PTPRG: variants seen among roughly 807,000 people sequenced by gnomAD.
The protein encoded by PTPRG is receptor-type tyrosine-protein phosphatase gamma.
A neutral mutation model predicts 165.3 loss-of-function variants in PTPRG; 102 were observed. The ratio of observed to expected loss-of-function variants is 0.62; its 90% CI spans 0.53 to 0.73. The LOEUF is 0.73. Among genes scored for constraint, PTPRG ranks in the 30% least tolerant of loss-of-function variants. The probability of loss-of-function intolerance (pLI) is 0.00; values close to 1 mark genes in which losing one functional copy is unlikely to be tolerated. For synonymous variants in PTPRG, 675 were observed against 669.5 expected, an observed-to-expected ratio of 1.01 and a Z score of -0.13; for missense variants, 1,866 against 1,861.4, an observed-to-expected ratio of 1.00 and a Z score of -0.05.
chr3:62,209,511 G>A (rs1389649984), intron 12 of PTPRG, among the ~76,000 whole-genome samples: 1 of 152,170 alleles, frequency 6.6e-6, no homozygotes, highest in African/African-American at 2.4e-5. Context: ...CTAGGGATTG[G>A]GAGCACTGCA....
chr3:62,024,346 T>C (rs1035978172), intron 4 of PTPRG, among the ~76,000 whole-genome samples: 1 of 152,172 alleles, frequency 6.6e-6, no homozygotes, highest in Admixed American at 6.5e-5. Flanking sequence ...CACTTGTCCA[T>C]GATATAATTA....
chr3:61,810,170 A>G (rs1559624209), intron 2 of PTPRG, among the ~76,000 whole-genome samples: 1 of 152,200 alleles, frequency 6.6e-6, no homozygotes, highest in Non-Finnish European at 1.5e-5. Context: ...CAGGGAGTGC[A>G]GGATAAAATA....
At chr3:61,959,532 C>T in intron 2 of PTPRG, among the ~76,000 whole-genome samples, 1 of 152,186 alleles carries the variant, frequency 6.6e-6, no homozygotes, top group East Asian at 1.9e-4. Context: ...GGAGGCGGAG[C>T]TCAGGCAGTA....
In PTPRG at chr3:62,281,537, G is replaced by GTTTTTTTTTTTTTTTTTTTTT. The variant is rs778994257; in HGVS notation, c.3766-26_3766-25insTTTTTTTTTTTTTTTTTTTTT. 12 of 175,022 alleles carry GTTTTTTTTTTTTTTTTTTTTT rather than the reference G, an allele frequency of 6.9e-5. 2 individuals are homozygous for GTTTTTTTTTTTTTTTTTTTTT. Among genetic ancestry groups the GTTTTTTTTTTTTTTTTTTTTT allele is most frequent in the Non-Finnish European group, 8.2e-5 (10 of 122,306 alleles). The allele number at this position is 175,022 out of a possible 1,614,324, so 10.8% of individuals were successfully genotyped here. A position where few individuals can be genotyped will look rare whatever the true frequency, so the allele number is the denominator to read the frequency against. On this transcript the variant is annotated intron_variant, in intron 26 of 29. Coordinates refer to ENST00000474889, the MANE Select transcript of PTPRG (RefSeq NM_002841.4). ...ACAAATCCTTGACAGAACTGCAGAGGCTTTTTTTTTTTTTGGATTCCAAAG... is the reference window on the plus strand; with the variant it reads ...ACAAATCCTTGACAGAACTGCAGAGGTTTTTTTTTTTTTTTTTTTTTCTTTTTTTTTTTTTGGATTCCAAAG...
intron 2 of PTPRG, among the ~76,000 whole-genome samples, chr3:61,810,077 A>G (rs1277746120): frequency 6.6e-6 from 1 of 152,172 alleles, no homozygotes; most frequent in African/African-American, 2.4e-5. Flanking sequence ...CACAGCCTAA[A>G]TGGCTTTTGG....
chr3:61,748,926 G>A lies in PTPRG; in HGVS notation c.134G>A (p.Ser45Asn), dbSNP rs776732483. Residue 45 changes from serine to asparagine, a missense_variant, in exon 2 of 30, where the codon AGC becomes AAC. Ser to Asn is a conservative substitution (Grantham distance 46). Transcript: ENST00000474889. ...VGALHENRHGSAVQIRRRKAS... is the reference protein window; with the variant it reads ...VGALHENRHGNAVQIRRRKAS... ...GCCCTGCACGAGAATAGACACGGCAGCGCAGTGCAGATCCGCAGGCGCAAG... is the reference window on the plus strand; with the variant it reads ...GCCCTGCACGAGAATAGACACGGCAACGCAGTGCAGATCCGCAGGCGCAAG... 4 of 1,613,098 alleles carry A rather than the reference G, an allele frequency of 2.5e-6. No homozygotes were observed. In the Admixed American group the frequency reaches 5.0e-5, roughly 20 times the overall value.
intron 1 of PTPRG, among the ~76,000 whole-genome samples, chr3:61,660,258 T>G (rs983484485): frequency 1.3e-5 from 2 of 152,246 alleles, no homozygotes; most frequent in Non-Finnish European, 2.9e-5. Flanking sequence ...GCACAAAGAA[T>G]GAAATTCTGG....
intron 5 of PTPRG, among the ~76,000 whole-genome samples, chr3:62,108,582 A>G (rs1236068496): frequency 1.3e-5 from 2 of 152,176 alleles, no homozygotes; most frequent in African/African-American, 2.4e-5. Flanking sequence ...GCTGGGTTAA[A>G]TGGTATTTCT....
chr3:62,128,703 T>G (rs753468460), intron 5 of PTPRG, among the ~76,000 whole-genome samples: 1 of 149,622 alleles, frequency 6.7e-6, no homozygotes, highest in Non-Finnish European at 1.5e-5. Context: ...GAATTCCATA[T>G]TTTCCCCATC....
rs369979250 is a variant in PTPRG at position 62,203,581 on chromosome 3, G to A, written c.1786G>A (p.Glu596Lys). ...GAGTGAGGATGGGGAGCGGGAGCAC[G>A]AGGAGGATGGAGAGAAGGACTCCGA... is the stretch of plus-strand genomic sequence containing the variant. ...SESEDGEREH[E>K]EDGEKDSEKK... The change falls in exon 12 of 30, where the codon GAG (glutamate) becomes AAG (lysine). Residue 596 changes from glutamate to lysine, a missense_variant. By Grantham distance (56) the Glu-to-Lys change is moderately conservative. This residue lies in a region of PTPRG where 1,452 missense variants were observed against 1,463.0 expected (regional missense o/e 0.99). Transcript: ENST00000474889. This position sits in a 1 kb window ranked among gnomAD's most constrained non-coding sequence, Gnocchi z 6.4. 16 of 1,552,504 alleles carry A rather than the reference G, an allele frequency of 1.0e-5. No homozygotes were observed. The highest frequency in any genetic ancestry group is 2.4e-5 in the South Asian group (2 of 84,144).
At chr3:61,885,559 G>A (rs1353997044) in intron 2 of PTPRG, among the ~76,000 whole-genome samples, 1 of 150,190 alleles carries the variant, frequency 6.7e-6, no homozygotes. Context: ...AGATGTTAAA[G>A]GTCAAACAAT....
chr3:61,949,729 GT>G (rs200304116), intron 2 of PTPRG, among the ~76,000 whole-genome samples: 102 of 143,472 alleles, frequency 7.1e-4, no homozygotes, highest in Middle Eastern at 7.1e-3. Context: ...TGGATTCTTT[GT>G]TTTTTTTTTT....
intron 1 of PTPRG, among the ~76,000 whole-genome samples, chr3:61,600,159 CAAAAA>C (rs376881197): frequency 2.4e-4 from 27 of 113,550 alleles, no homozygotes; most frequent in East Asian, 2.1e-3. Context: ...GACATTGTCT[CAAAAA>C]AAAAAAAAAA....
At chr3:62,117,311 G>T (rs962796869) in intron 5 of PTPRG, among the ~76,000 whole-genome samples, 1 of 152,158 alleles carries the variant, frequency 6.6e-6, no homozygotes, top group Non-Finnish European at 1.5e-5. Context: ...TCTGTATATT[G>T]TTCTACCAAC....
chr3:61,700,581 T>C (rs114468154), intron 1 of PTPRG, among the ~76,000 whole-genome samples: 156 of 152,328 alleles, frequency 1.0e-3, no homozygotes, highest in African/African-American at 3.6e-3. Context: ...CTTCCAGCCG[T>C]GATACTTCAG....
rs1701497919 is a variant in PTPRG, at chr3:62,254,698, A to G, written c.2468-426A>G. The stretch of plus-strand genomic sequence containing the variant: ...TTGGAAATAGAACTTAATTGCTTAA[A>G]GTTCAAGCTGGACTCCATTGAACAG... On this transcript the variant is annotated intron_variant, in intron 15 of 29. Coordinates refer to ENST00000474889, the MANE Select transcript of PTPRG (RefSeq NM_002841.4). This position sits in a 1 kb window ranked among gnomAD's most constrained non-coding sequence, Gnocchi z 4.6. Among the ~76,000 whole-genome samples the G allele has an allele frequency of 6.6e-6, 1 of 151,992 alleles. No homozygotes were observed. The highest frequency in any genetic ancestry group is 2.4e-5 in the African/African-American group (1 of 41,398).
intron 2 of PTPRG, among the ~76,000 whole-genome samples, chr3:61,803,355 T>A (rs1249507522): frequency 9.9e-5 from 15 of 151,784 alleles, no homozygotes; most frequent in Admixed American, 9.8e-4. Context: ...TTTTTTTTCC[T>A]GCGAAGTCTT....
At chr3:62,109,737 C>G (rs1702600432) in intron 5 of PTPRG, among the ~76,000 whole-genome samples, 1 of 152,168 alleles carries the variant, frequency 6.6e-6, no homozygotes, top group South Asian at 2.1e-4. Context: ...CAGTGCCACT[C>G]ATCTCAGCAG....
In PTPRG at chr3:61,841,669, C is replaced by T. The variant is rs78249696; in HGVS notation, c.190+92687C>T. 7.5e-3 allele frequency among the ~76,000 whole-genome samples: 1,147 copies of T among 152,010 alleles called. 19 individuals are homozygous for T. Among genetic ancestry groups the T allele is most frequent in the African/African-American group, 0.026 (1,091 of 41,502 alleles). ...AAAAGAACAGTCATGTGCTTCTGTC[C>T]ACTGGCAATTTACCAAGTGAAATAA... On this transcript the variant is annotated intron_variant, in intron 2 of 29. Coordinates refer to ENST00000474889, the MANE Select transcript of PTPRG (RefSeq NM_002841.4).
Sources: allele counts gnomAD v4.1 joint callset (sites outside exome capture counted in the v4.1 genomes callset), GRCh38; gene constraint gnomAD v4.1.1; regional missense constraint gnomAD v4.1.1; non-coding constraint Gnocchi (gnomAD v3.1); transcripts MANE v1.5; gene names NCBI Gene and HGNC (gene_info 2026-07-23, HGNC 2026-07-21).